MAP7: variants seen among roughly 807,000 people sequenced by gnomAD.
MAP7 encodes the protein ensconsin.
Under a neutral mutation model 94.8 loss-of-function variants are expected in MAP7, and 52 were observed. The ratio of observed to expected loss-of-function variants is 0.55; its 90% CI spans 0.44 to 0.69. MAP7 has a LOEUF of 0.69. Among genes scored for constraint, MAP7 ranks in the 30% least tolerant of loss-of-function variants. The pLI is 0.00. For synonymous variants in MAP7, 350 were observed against 357.0 expected (o/e 0.98, Z 0.22); for missense variants, 940 against 964.6 (o/e 0.97, Z 0.34).
chr6:136,412,836 G>A (rs538387390), intron 2 of MAP7, among the ~76,000 whole-genome samples: 15 of 152,110 alleles, frequency 9.9e-5, no homozygotes, highest in South Asian at 2.1e-4. Context: ...ACACTTAAAA[G>A]GTTTTTCTCT....
intron 1 of MAP7, among the ~76,000 whole-genome samples, chr6:136,424,340 A>G (rs1383702666): frequency 1.3e-5 from 2 of 152,062 alleles, no homozygotes; most frequent in Admixed American, 1.3e-4. Context: ...AAAAAAAAAA[A>G]AAAGAAAATT....
chr6:136,373,475 T>A (rs1466688338), intron 7 of MAP7, among the ~76,000 whole-genome samples: 1 of 152,218 alleles, frequency 6.6e-6, no homozygotes, highest in South Asian at 2.1e-4. Flanking sequence ...GAATATTTTA[T>A]GAAAAACTAC....
intron 1 of MAP7, among the ~76,000 whole-genome samples, chr6:136,458,107 AC>A (rs1177774928): frequency 3.6e-4 from 55 of 152,340 alleles, no homozygotes; most frequent in African/African-American, 1.3e-3. Context: ...AAATCAACAT[AC>A]AAAAACCAGT....
chr6:136,360,972 T>TGGGGCC lies in MAP7; in HGVS notation c.1701+27_1701+32dup, dbSNP rs761801445. The TGGGGCC allele has an allele frequency of 1.7e-5, 27 of 1,552,574 alleles. No individual in the cohort carries two copies. The East Asian group carries it at 2.5e-4, about 15-fold the overall frequency. On this transcript the variant is annotated intron_variant, in intron 12 of 17. Coordinates refer to ENST00000354570, the MANE Select transcript of MAP7 (RefSeq NM_003980.6). The stretch of plus-strand genomic sequence containing the variant: ...GGGCTGGGGCGTCTCCCTGCGGGAC[T>TGGGGCC]GGGGCCGGGGCCAGGGTGGGGTGCG...
At chr6:136,443,588 C>T (rs1798500851) in intron 1 of MAP7, among the ~76,000 whole-genome samples, 1 of 151,708 alleles carries the variant, frequency 6.6e-6, no homozygotes, top group Non-Finnish European at 1.5e-5. Flanking sequence ...GTAGCTGGGA[C>T]TACAAGTGCA....
chr6:136,384,674 G>A (rs1017957015), intron 5 of MAP7, among the ~76,000 whole-genome samples: 14 of 152,008 alleles, frequency 9.2e-5, no homozygotes, highest in Middle Eastern at 3.4e-3. Flanking sequence ...TTGTAGAGGT[G>A]GGGTTCTCAT....
At chr6:136,521,796 T>A (rs955264647) in intron 1 of MAP7, among the ~76,000 whole-genome samples, 5 of 152,234 alleles carry the variant, frequency 3.3e-5, no homozygotes, top group African/African-American at 1.2e-4. Flanking sequence ...TGGGATGGGA[T>A]AGGAGTCTAT....
chr6:136,444,215 A>G (rs186185649), intron 1 of MAP7, among the ~76,000 whole-genome samples: 66 of 152,320 alleles, frequency 4.3e-4, no homozygotes, highest in African/African-American at 1.4e-3. Flanking sequence ...TTCATCAGAA[A>G]CACCTTGGGT....
At chr6:136,472,304 G>T (rs1049936293) in intron 1 of MAP7, among the ~76,000 whole-genome samples, 2 of 152,060 alleles carry the variant, frequency 1.3e-5, no homozygotes, top group East Asian at 3.9e-4. Flanking sequence ...CTGACAGCTG[G>T]AGTCCTATGT....
chr6:136,539,757 T>C (rs1417133260), intron 1 of MAP7, among the ~76,000 whole-genome samples: 1 of 152,082 alleles, frequency 6.6e-6, no homozygotes, highest in East Asian at 1.9e-4. Flanking sequence ...GGCAGGAGGA[T>C]TGCTTGTGTC....
intron 3 of MAP7, among the ~76,000 whole-genome samples, chr6:136,404,477 T>C (rs1212734830): frequency 6.6e-6 from 1 of 152,182 alleles, no homozygotes; most frequent in Non-Finnish European, 1.5e-5. Context: ...TCTTATTCTT[T>C]CTAAAATATT....
chr6:136,516,717 C>T (rs1824956760), intron 1 of MAP7, among the ~76,000 whole-genome samples: 1 of 152,064 alleles, frequency 6.6e-6, no homozygotes, highest in Non-Finnish European at 1.5e-5. Flanking sequence ...AAGACTAGCA[C>T]AGAGAAACAA....
Position 136,365,969 on chromosome 6 carries a change from A to G in MAP7, c.1039T>C (p.Ser347Pro), listed in dbSNP as rs1432295209. 1 of 1,613,486 alleles carries G rather than the reference A, an allele frequency of 6.2e-7. No homozygotes were observed. The highest frequency in any genetic ancestry group is 8.5e-7 in the Non-Finnish European group (1 of 1,180,026). ...TTGACTGAGCCGGGTGGCAAGGAGG[A>G]TGTCGGTCTGGGTGTGCCAGGCAAA... ...PHLPGTPRPT[S>P]SLPPGSVKAA... Residue 347 changes from serine (S) to proline (P), a missense_variant, in exon 10 of 18, where the codon TCC becomes CCC. Ser to Pro is a moderately conservative substitution (Grantham distance 74). Coordinates refer to ENST00000354570, the MANE Select transcript of MAP7 (RefSeq NM_003980.6).
At chr6:136,489,852 G>A (rs1236235701) in intron 1 of MAP7, among the ~76,000 whole-genome samples, 3 of 152,026 alleles carry the variant, frequency 2.0e-5, no homozygotes, top group Admixed American at 2.0e-4. Context: ...TTCTTATACT[G>A]AGGACCTTGA....
intron 16 of MAP7, among the ~76,000 whole-genome samples, chr6:136,349,942 G>A (rs1207116844): frequency 3.9e-5 from 6 of 152,198 alleles, no homozygotes; most frequent in East Asian, 3.9e-4. Context: ...CATCCTCCTG[G>A]GGTGCTGCTA....
intron 1 of MAP7, among the ~76,000 whole-genome samples, chr6:136,491,639 C>T (rs1469238198): frequency 6.6e-6 from 1 of 152,194 alleles, no homozygotes; most frequent in African/African-American, 2.4e-5. Flanking sequence ...ATAATCTCTC[C>T]TATCTTATTT....
chr6:136,469,370 C>G (rs1396259934), intron 1 of MAP7, among the ~76,000 whole-genome samples: 1 of 151,344 alleles, frequency 6.6e-6, no homozygotes, highest in Non-Finnish European at 1.5e-5. Context: ...TTTCTCTTTC[C>G]TTTCTTTCTC....
intron 1 of MAP7, among the ~76,000 whole-genome samples, chr6:136,459,608 A>G (rs969610219): frequency 2.2e-4 from 33 of 152,156 alleles, no homozygotes; most frequent in African/African-American, 8.0e-4. Context: ...CCATATGGAT[A>G]TCTCTATTGG....
chr6:136,352,510 C>CT (rs2128533214), intron 16 of MAP7, among the ~76,000 whole-genome samples: 1 of 152,228 alleles, frequency 6.6e-6, no homozygotes, highest in South Asian at 2.1e-4. Flanking sequence ...AATTCTCTTT[C>CT]TTTTTTCCTT....
Sources: gnomAD v4.1 joint callset for allele counts (sites outside exome capture counted in the v4.1 genomes callset) on GRCh38, gnomAD v4.1.1 for gene constraint, MANE v1.5 for transcripts, NCBI Gene and HGNC (gene_info 2026-07-23, HGNC 2026-07-21) for gene names.